Variants in ZFHX3 observed in about 807,000 individuals in gnomAD.
ZFHX3 encodes the protein zinc finger homeobox 3, also known as zinc finger homeobox protein 3.
A neutral mutation model predicts 279.1 loss-of-function variants in ZFHX3; 42 were observed. The ratio of observed to expected loss-of-function variants is 0.15; its 90% CI spans 0.12 to 0.19. ZFHX3 has a LOEUF of 0.19. ZFHX3 is among the 10% of genes least tolerant of loss of function. The pLI, the probability that ZFHX3 is intolerant of heterozygous loss-of-function variation, is 1.00. For synonymous variants in ZFHX3, 2,293 were observed against 1,957.8 expected (o/e 1.17, Z -4.52); for missense variants, 4,981 against 4,754.0 (o/e 1.05, Z -1.40).
chr16:72,872,521 G>T (rs1028856518), intron 4 of ZFHX3, among the ~76,000 whole-genome samples: 3 of 152,136 alleles, frequency 2.0e-5, no homozygotes, highest in African/African-American at 7.2e-5. Flanking sequence ...ACAGTGGGGT[G>T]ATCTTGGCTC....
At chr16:73,057,978 G>A (rs1417704866) in intron 1 of ZFHX3, among the ~76,000 whole-genome samples, 2 of 147,872 alleles carry the variant, frequency 1.4e-5, no homozygotes, top group Admixed American at 1.3e-4. Context: ...GTGGGGCAAA[G>A]TTGGGGGCCG....
At chr16:73,664,226 A>C (rs1197811116) in intron 2 of ZFHX3, among the ~76,000 whole-genome samples, 1 of 152,170 alleles carries the variant, frequency 6.6e-6, no homozygotes, top group Non-Finnish European at 1.5e-5. Flanking sequence ...TTTTCTGCAC[A>C]TCTAGAAGCC....
intron 3 of ZFHX3, among the ~76,000 whole-genome samples, chr16:73,374,036 G>C (rs568064883): frequency 1.3e-5 from 2 of 152,304 alleles, no homozygotes; most frequent in South Asian, 4.1e-4. Context: ...GGTAAACTGG[G>C]ATGCGGCAGA....
chr16:73,418,688 T>C (rs1433163462), intron 3 of ZFHX3, among the ~76,000 whole-genome samples: 1 of 152,240 alleles, frequency 6.6e-6, no homozygotes. Context: ...GCTTTGTCCG[T>C]ATTTCCAAAT....
At chr16:73,673,459 G>A (rs991646271) in intron 2 of ZFHX3, among the ~76,000 whole-genome samples, 4 of 151,828 alleles carry the variant, frequency 2.6e-5, no homozygotes, top group African/African-American at 7.3e-5. Flanking sequence ...GCTGTTAAAG[G>A]AACCTCATTC....
At chr16:72,937,786 G>A (rs965142017) in intron 3 of ZFHX3, among the ~76,000 whole-genome samples, 4 of 152,204 alleles carry the variant, frequency 2.6e-5, no homozygotes, top group South Asian at 4.1e-4. Flanking sequence ...TTCCTCCTCT[G>A]CCTCCAAGAG....
chr16:73,528,207 A>G (rs1027922663), intron 2 of ZFHX3, among the ~76,000 whole-genome samples: 1 of 152,244 alleles, frequency 6.6e-6, no homozygotes, highest in East Asian at 1.9e-4. Flanking sequence ...TATTATGGGT[A>G]TTTAATGTAC....
chr16:73,130,738 GCTGGGATTACAGGCAC>G (rs371153259), intron 7 of ZFHX3, among the ~76,000 whole-genome samples: 18 of 152,326 alleles, frequency 1.2e-4, no homozygotes, highest in African/African-American at 4.3e-4. Context: ...CTCCCAAGTA[GCTGGGATTACAGGCAC>G]CTGCCACCAA....
intron 3 of ZFHX3, among the ~76,000 whole-genome samples, chr16:73,390,044 A>T (rs1428631535): frequency 1.3e-5 from 2 of 152,202 alleles, no homozygotes; most frequent in African/African-American, 4.8e-5. Flanking sequence ...TGGGTGACAG[A>T]GCGAGACTCT....
chr16:72,975,088 G>T (rs1053476592), intron 1 of ZFHX3, among the ~76,000 whole-genome samples: 9 of 152,142 alleles, frequency 5.9e-5, no homozygotes, highest in African/African-American at 1.7e-4. Context: ...AGACTGAAGG[G>T]GGCATGGATT....
rs189998240 is a variant in ZFHX3, at chr16:73,715,339, T to C, written c.-1607-35099A>G. ...ATAGTATGGCTATGAACAGACCCAG[T>C]TGACCGTCTCATTCAATTACCACAC... On this transcript the variant is annotated intron_variant, in intron 1 of 17. Transcript: ENST00000641206. 1.6e-3 allele frequency among the ~76,000 whole-genome samples: 248 copies of C among 152,306 alleles called. 1 individual carries two copies. Among genetic ancestry groups the C allele is most frequent in the Middle Eastern group, 3.4e-3 (1 of 294 alleles).
Position 73,392,595 on chromosome 16 carries a change from C to T in ZFHX3, c.-1291+63408G>A, listed in dbSNP as rs577720278. ...GGGGGAGAAATTATATATATTTTTG[C>T]AACAAGCTGGAAGGACTATATAAAT... On this transcript the variant is annotated intron_variant, in intron 3 of 17. Coordinates refer to the ZFHX3 transcript ENST00000641206. Among the ~76,000 whole-genome samples, 5 of 151,926 alleles carry T rather than the reference C, an allele frequency of 3.3e-5. No individual in the cohort carries two copies. In the East Asian group the frequency reaches 9.7e-4, roughly 29 times the overall value.
intron 5 of ZFHX3, among the ~76,000 whole-genome samples, chr16:73,157,568 A>C (rs1458638679): frequency 6.6e-6 from 1 of 151,194 alleles, no homozygotes; most frequent in Admixed American, 6.6e-5. Context: ...GGGTCGAGTC[A>C]CTATCCCTTA....
intron 1 of ZFHX3, among the ~76,000 whole-genome samples, chr16:73,034,719 A>C (rs988739838): frequency 2.6e-5 from 4 of 152,212 alleles, no homozygotes; most frequent in Non-Finnish European, 5.9e-5. Flanking sequence ...CTGTCCCCTG[A>C]GGAGGTGGCC....
Position 73,395,951 on chromosome 16 carries a change from T to G in ZFHX3, c.-1291+60052A>C, listed in dbSNP as rs188654764. Among the ~76,000 whole-genome samples the G allele has an allele frequency of 9.2e-5, 14 of 152,368 alleles. No individual in the cohort carries two copies. The East Asian group carries it at 2.7e-3, about 29-fold the overall frequency. On this transcript the variant is annotated intron_variant, in intron 3 of 17. Transcript: ENST00000641206. ...TATATGTACATCTTAGAGTTATACT[T>G]TTAACAAGGTTTAGAAGAAAACAAT...
intron 3 of ZFHX3, among the ~76,000 whole-genome samples, chr16:73,348,305 C>T (rs2016158238): frequency 6.6e-6 from 1 of 152,148 alleles, no homozygotes; most frequent in Non-Finnish European, 1.5e-5. Flanking sequence ...TGGAATCTTC[C>T]ATGCAACTGG....
intron 2 of ZFHX3, among the ~76,000 whole-genome samples, chr16:73,585,091 T>C (rs193029631): frequency 1.6e-4 from 25 of 152,274 alleles, no homozygotes; most frequent in Non-Finnish European, 3.4e-4. Context: ...GCTGGTGAGA[T>C]TGTGGAGAGA....
intron 7 of ZFHX3, among the ~76,000 whole-genome samples, chr16:72,803,289 G>A (rs923901674): frequency 3.3e-5 from 5 of 152,208 alleles, no homozygotes; most frequent in African/African-American, 7.2e-5. Flanking sequence ...CTGAGATTGC[G>A]CCATTGCACT....
At chr16:73,609,576 A>G (rs1001242491) in intron 2 of ZFHX3, 1 of 152,030 alleles carries the variant, frequency 6.6e-6, no homozygotes, top group African/African-American at 2.4e-5. Flanking sequence ...AAGGATTCAG[A>G]CTGTGGATTT....
Sources: gnomAD v4.1 joint callset for allele counts (sites outside exome capture counted in the v4.1 genomes callset) on GRCh38, gnomAD v4.1.1 for gene constraint, MANE v1.5 for transcripts, NCBI Gene and HGNC (gene_info 2026-07-23, HGNC 2026-07-21) for gene names.